The following PVALEF variants were observed in gnomAD, a reference collection of about 807,000 sequenced individuals.
The protein encoded by PVALEF is parvalbumin like EF-hand containing, also known as parvalbumin-like EF-hand-containing protein.
PVALEF carries 2 observed loss-of-function variants against 1.2 expected under a neutral mutation model. The ratio of observed to expected loss-of-function variants is 1.68; its 90% CI spans 0.69 to 5.28. The LOEUF is 5.28. PVALEF is among the 30% of genes most tolerant of loss of function. The probability of loss-of-function intolerance (pLI) is 0.06; values close to 1 mark genes in which losing one functional copy is unlikely to be tolerated. For synonymous variants in PVALEF, 16 were observed against 6.5 expected, an observed-to-expected ratio of 2.47 and a Z score of -2.24; for missense variants, 35 against 17.7, an observed-to-expected ratio of 1.97 and a Z score of -1.75.
At chr17:81,180,795 G>A (rs532413975) in intron 3 of PVALEF, among the ~76,000 whole-genome samples, 166 of 152,192 alleles carry the variant, frequency 1.1e-3, no homozygotes, top group Non-Finnish European at 2.0e-3. Context: ...AACACAGGCC[G>A]CCCCTCCTGG....
chr17:81,180,264 G>A (rs528267709), intron 3 of PVALEF, among the ~76,000 whole-genome samples: 11 of 152,314 alleles, frequency 7.2e-5, no homozygotes, highest in African/African-American at 2.2e-4. Flanking sequence ...CCTGGAATTC[G>A]GCCCAGCCCC....
intron 2 of PVALEF, among the ~76,000 whole-genome samples, chr17:81,176,035 T>C (rs1296071057): frequency 1.3e-5 from 2 of 152,134 alleles, no homozygotes; most frequent in Non-Finnish European, 2.9e-5. Flanking sequence ...TGAAAATAGA[T>C]GAATAACCAG....
At chr17:81,173,518 G>T (rs2061527300) in intron 2 of PVALEF, among the ~76,000 whole-genome samples, 1 of 152,148 alleles carries the variant, frequency 6.6e-6, no homozygotes, top group Admixed American at 6.5e-5. Context: ...GCTCACAGCT[G>T]GAAAGCCAGG....
chr17:81,178,415 C>A (rs2061542537), intron 2 of PVALEF, among the ~76,000 whole-genome samples: 1 of 152,196 alleles, frequency 6.6e-6, no homozygotes, highest in African/African-American at 2.4e-5. Context: ...GGTAACCGTG[C>A]CCCTGGTGTA....
In PVALEF at chr17:81,166,699, C is replaced by T. The variant is rs1345958035; in HGVS notation, c.-485C>T. ...CAGGTTTCGAGGCGGCTGGCAGCCG[C>T]CCCCCCACCCCATGCCCTTTGGGTG... On this transcript the variant is annotated 5_prime_UTR_variant, in exon 2 of 7. Transcript: ENST00000637878. The T allele has an allele frequency of 4.5e-6, 2 of 448,350 alleles. No individual in the cohort carries two copies. The highest frequency in any genetic ancestry group is 8.8e-6 in the Non-Finnish European group (2 of 226,584). 27.8% of individuals were successfully genotyped at this position (448,350 alleles called of 1,614,324 possible).
In PVALEF at chr17:81,166,782, C is replaced by G. The variant is rs757326962; in HGVS notation, c.-402C>G. 7 of 456,126 alleles carry G rather than the reference C, an allele frequency of 1.5e-5. No homozygotes were observed. Among genetic ancestry groups the G allele is most frequent in the South Asian group, 6.2e-5 (4 of 64,526 alleles). The allele number at this position is 456,126 out of a possible 1,614,324, so 28.3% of individuals were successfully genotyped here. A position where few individuals can be genotyped will look rare whatever the true frequency, so the allele number is the denominator to read the frequency against. ...TTTGCACACAGGCCTGCTCCTGTAC[C>G]GTGCTGCGACAGCCATGAAGGAAGA... On this transcript the variant is annotated 5_prime_UTR_variant, in exon 2 of 7. Coordinates refer to ENST00000637878, the MANE Select transcript of PVALEF (RefSeq NM_001354639.2).
intron 6 of PVALEF, among the ~76,000 whole-genome samples, chr17:81,182,714 GC>G (rs2061559105): frequency 6.6e-6 from 1 of 152,222 alleles, no homozygotes; most frequent in South Asian, 2.1e-4. Flanking sequence ...GCCACTGCAA[GC>G]CCCCAGTCCC....
intron 2 of PVALEF, among the ~76,000 whole-genome samples, chr17:81,175,662 G>C (rs928045928): frequency 1.9e-4 from 29 of 152,190 alleles, no homozygotes; most frequent in African/African-American, 6.5e-4. Flanking sequence ...TTGTTGACAA[G>C]GGTGCCAAGA....
intron 2 of PVALEF, among the ~76,000 whole-genome samples, chr17:81,172,042 T>G (rs138209566): frequency 6.6e-6 from 1 of 152,308 alleles, no homozygotes; most frequent in Admixed American, 6.5e-5. Flanking sequence ...TGGAATCACA[T>G]GGTATGTGGG....
chr17:81,182,840 G>A (rs904649520), intron 6 of PVALEF, 125 bp from the exon 7 acceptor site: 3 of 395,322 alleles, frequency 7.6e-6, no homozygotes, highest in Non-Finnish European at 1.3e-5. Flanking sequence ...AGGACTTGGG[G>A]ACAGGACCCC....
At chr17:81,168,053 G>A (rs2061505585) in intron 2 of PVALEF, among the ~76,000 whole-genome samples, 1 of 152,194 alleles carries the variant, frequency 6.6e-6, no homozygotes, top group African/African-American at 2.4e-5. Flanking sequence ...CCCTGTCAGG[G>A]CCTCCCCTCC....
At chr17:81,170,111 CAT>C (rs747634195) in intron 2 of PVALEF, among the ~76,000 whole-genome samples, 14 of 144,440 alleles carry the variant, frequency 9.7e-5, no homozygotes, top group South Asian at 8.8e-4. Flanking sequence ...TGTGTGTCTG[CAT>C]ATGTGTAGGC....
rs1024357752 is a variant in PVALEF at position 81,179,098 on chromosome 17, C to T, written c.-159C>T. ...TATAAAAGCTGGAGCCCCTGGGCCT[C>T]TCCACACCCCAGCCTGACCCACCTT... On this transcript the variant is annotated 5_prime_UTR_variant, in exon 3 of 7. Transcript: ENST00000637878. 17 of 445,346 alleles carry T rather than the reference C, an allele frequency of 3.8e-5. No homozygotes were observed. The highest frequency in any genetic ancestry group is 3.2e-4 in the African/African-American group (16 of 49,752). The allele number at this position is 445,346 out of a possible 1,614,324, so 27.6% of individuals were successfully genotyped here.
In PVALEF at chr17:81,165,520, C is replaced by A. The variant is rs1255991196; in HGVS notation, c.-735C>A. The A allele has an allele frequency of 1.1e-5, 8 of 733,324 alleles. No homozygotes were observed. In the Admixed American group the frequency reaches 2.2e-4, roughly 20 times the overall value. 45.4% of individuals were successfully genotyped at this position (733,324 alleles called of 1,614,324 possible). On this transcript the variant is annotated 5_prime_UTR_variant, in exon 1 of 7. Coordinates refer to ENST00000637878, the MANE Select transcript of PVALEF (RefSeq NM_001354639.2). Reference sequence around the variant, plus strand: ...GCAGGGCTCTGAGAATCGCTCCCAGCCTGGGAAGAAGCCTCCCACGCCAGG... The same window carrying A: ...GCAGGGCTCTGAGAATCGCTCCCAGACTGGGAAGAAGCCTCCCACGCCAGG...
chr17:81,176,308 CAGG>C (rs1277525271), intron 2 of PVALEF, among the ~76,000 whole-genome samples: 4 of 151,862 alleles, frequency 2.6e-5, no homozygotes, highest in Non-Finnish European at 5.9e-5. Flanking sequence ...CACCTGAGGC[CAGG>C]AGTTCAGGAC....
At chr17:81,166,553 G>A in intron 1 of PVALEF, 124 bp from the exon 2 acceptor site, 1 of 350,498 alleles carries the variant, frequency 2.9e-6, no homozygotes. Flanking sequence ...AGTGGGTACG[G>A]AGGGAACGCC....
At chr17:81,168,133 G>A (rs2061505929) in intron 2 of PVALEF, among the ~76,000 whole-genome samples, 1 of 152,228 alleles carries the variant, frequency 6.6e-6, no homozygotes, top group African/African-American at 2.4e-5. Context: ...CCTAGGCAGG[G>A]GGAGGTGGCC....
chr17:81,182,223 C>T (rs895552287), intron 6 of PVALEF, 142 bp downstream of exon 6: 9 of 396,180 alleles, frequency 2.3e-5, no homozygotes, highest in Admixed American at 2.2e-4. Flanking sequence ...GGCCGGGAGT[C>T]TAGGTGCTCT....
intron 2 of PVALEF, among the ~76,000 whole-genome samples, chr17:81,167,272 GACA>G (rs1026978023): frequency 7.1e-6 from 1 of 140,332 alleles, no homozygotes; most frequent in Non-Finnish European, 1.6e-5. Context: ...CAGCCCGGGT[GACA>G]ACAAGATCTT....
Sources: gnomAD v4.1 joint callset for allele counts (sites outside exome capture counted in the v4.1 genomes callset) on GRCh38, gnomAD v4.1.1 for gene constraint, MANE v1.5 for transcripts, NCBI Gene and HGNC (gene_info 2026-07-23, HGNC 2026-07-21) for gene names.